Variants in CRIM1 observed in about 807,000 individuals in gnomAD.
CRIM1 encodes the protein cysteine-rich motor neuron 1 protein.
A neutral mutation model predicts 116.4 loss-of-function variants in CRIM1; 32 were observed. That is an observed-to-expected ratio of 0.27 (90% CI 0.21 to 0.37). The LOEUF is 0.37. CRIM1 is among the 10% of genes least tolerant of loss of function. The pLI, the probability that CRIM1 is intolerant of heterozygous loss-of-function variation, is 1.00. For missense variants in CRIM1, 1,331 were observed against 1,354.8 expected, an observed-to-expected ratio of 0.98 and a Z score of 0.28; for synonymous variants, 590 against 509.2, an observed-to-expected ratio of 1.16 and a Z score of -2.13.
chr2:36,373,292 G>A (rs1670065111), intron 1 of CRIM1, among the ~76,000 whole-genome samples: 3 of 152,150 alleles, frequency 2.0e-5, no homozygotes, highest in Non-Finnish European at 4.4e-5. Flanking sequence ...CTTGAAGGAG[G>A]GAGTGCCCAT....
At chr2:36,523,372 C>T (rs536639959) in intron 13 of CRIM1, among the ~76,000 whole-genome samples, 1 of 152,306 alleles carries the variant, frequency 6.6e-6, no homozygotes, top group Admixed American at 6.5e-5. Context: ...GAGCCCTCAC[C>T]TTCTTGTGAC....
At chr2:36,397,533 A>G (rs1314598092) in intron 2 of CRIM1, among the ~76,000 whole-genome samples, 3 of 152,072 alleles carry the variant, frequency 2.0e-5, no homozygotes, top group Admixed American at 6.6e-5. Context: ...TCGTAGCCCC[A>G]GTTTCTTCTT....
chr2:36,548,775 G>T lies in CRIM1; in HGVS notation c.*74G>T. ...TGCTCTAAAAAGTAAACTAGAATTTGTGCACTTGCTTAGTGGATTGTATTG... is the reference window on the plus strand; with the variant it reads ...TGCTCTAAAAAGTAAACTAGAATTTTTGCACTTGCTTAGTGGATTGTATTG... On this transcript the variant is annotated 3_prime_UTR_variant, in exon 17 of 17. Coordinates refer to ENST00000280527, the MANE Select transcript of CRIM1 (RefSeq NM_016441.3). 1.6e-6 allele frequency: 2 copies of T among 1,284,426 alleles called. No homozygotes were observed. The highest frequency in any genetic ancestry group is 2.2e-6 in the Non-Finnish European group (2 of 926,526). The allele number at this position is 1,284,426 out of a possible 1,614,324, so 79.6% of individuals were successfully genotyped here. A position where few individuals can be genotyped will look rare whatever the true frequency, so the allele number is the denominator to read the frequency against.
At chr2:36,369,626 A>G (rs1444295344) in intron 1 of CRIM1, among the ~76,000 whole-genome samples, 2 of 152,214 alleles carry the variant, frequency 1.3e-5, no homozygotes, top group Non-Finnish European at 2.9e-5. Context: ...GAAATGTTAT[A>G]TGTAATATAG....
At chr2:36,399,589 A>C (rs1672271360) in intron 2 of CRIM1, among the ~76,000 whole-genome samples, 1 of 152,216 alleles carries the variant, frequency 6.6e-6, no homozygotes, top group Non-Finnish European at 1.5e-5. Flanking sequence ...CTCGTGATAA[A>C]ATGGTACTGA....
At chr2:36,439,498 G>A (rs576070540) in intron 2 of CRIM1, among the ~76,000 whole-genome samples, 7 of 152,026 alleles carry the variant, frequency 4.6e-5, no homozygotes, top group South Asian at 2.1e-4. Context: ...GTTCTAAATC[G>A]CCAGGTACCC....
At chr2:36,465,180 G>A (rs1372383847) in intron 5 of CRIM1, among the ~76,000 whole-genome samples, 2 of 152,292 alleles carry the variant, frequency 1.3e-5, no homozygotes, top group East Asian at 1.9e-4. Context: ...CACTGATAGC[G>A]GCCTGCTGTA....
At chr2:36,543,866 C>A in intron 14 of CRIM1, among the ~76,000 whole-genome samples, 2 of 150,358 alleles carry the variant, frequency 1.3e-5, no homozygotes, top group East Asian at 3.9e-4. Flanking sequence ...GACTTATACT[C>A]ATGAGGTCTA....
intron 2 of CRIM1, among the ~76,000 whole-genome samples, chr2:36,407,995 G>T (rs181996692): frequency 6.6e-6 from 1 of 152,206 alleles, no homozygotes; most frequent in East Asian, 1.9e-4. Context: ...GATGTGCCTA[G>T]TTCAAGCACT....
chr2:36,411,065 A>G (rs1270375344), intron 2 of CRIM1, among the ~76,000 whole-genome samples: 1 of 152,180 alleles, frequency 6.6e-6, no homozygotes, highest in African/African-American at 2.4e-5. Flanking sequence ...TGCATATAAC[A>G]TCTAAAGTGA....
At chr2:36,378,518 G>A (rs1375872867) in intron 1 of CRIM1, 6 of 386,450 alleles carry the variant, frequency 1.6e-5, no homozygotes, top group African/African-American at 2.2e-5. Context: ...CAGCTCTAAC[G>A]TAAGGCGGTA....
chr2:36,547,063 AGTTGTG>A lies in CRIM1; in HGVS notation c.2830_2835del (p.Val944_Val945del). The A allele has an allele frequency of 1.9e-6, 3 of 1,612,162 alleles. No homozygotes were observed. The highest frequency in any genetic ancestry group is 2.5e-6 in the Non-Finnish European group (3 of 1,178,342). On this transcript the variant is annotated inframe_deletion, in exon 16 of 17. Coordinates refer to ENST00000280527, the MANE Select transcript of CRIM1 (RefSeq NM_016441.3). The stretch of plus-strand genomic sequence containing the variant: ...ATTCTTCACTGGACTCCATTGCCTC[AGTTGTG>A]GTTCCCATAATTATATGCCTCTCTA...
chr2:36,422,207 C>T (rs1157438567), intron 2 of CRIM1, among the ~76,000 whole-genome samples: 1 of 150,208 alleles, frequency 6.7e-6, no homozygotes, highest in African/African-American at 2.5e-5. Context: ...GGGGATTTGT[C>T]TCTATTTTGC....
chr2:36,420,215 T>C (rs1352770337), intron 2 of CRIM1, among the ~76,000 whole-genome samples: 2 of 152,182 alleles, frequency 1.3e-5, no homozygotes, highest in Admixed American at 1.3e-4. Context: ...TAAAAACAAA[T>C]CTCCTATTTT....
rs189176812 is a variant in CRIM1, at chr2:36,475,654, T to C, written c.992-1235T>C. Reference sequence around the variant, plus strand: ...GTGAGAACACACCTCATTGTCTTGTTCCTGATCTTAGGGGGAAAGCACTTG... The same window carrying C: ...GTGAGAACACACCTCATTGTCTTGTCCCTGATCTTAGGGGGAAAGCACTTG... On this transcript the variant is annotated intron_variant, in intron 5 of 16. Transcript: ENST00000280527. 2.9e-4 allele frequency among the ~76,000 whole-genome samples: 44 copies of C among 152,366 alleles called. 1 individual carries two copies. The highest frequency in any genetic ancestry group is 7.8e-4 in the Admixed American group (12 of 15,304).
chr2:36,511,712 T>A (rs1472332632), intron 9 of CRIM1, among the ~76,000 whole-genome samples: 1 of 152,148 alleles, frequency 6.6e-6, no homozygotes, highest in Non-Finnish European at 1.5e-5. Context: ...ACACATGTGT[T>A]AAGGACACAC....
At chr2:36,362,422 G>A (rs1274859981) in intron 1 of CRIM1, among the ~76,000 whole-genome samples, 1 of 152,192 alleles carries the variant, frequency 6.6e-6, no homozygotes. Flanking sequence ...ATTGGTCTCA[G>A]TGTTTCTCAA....
At chr2:36,454,024 T>C (rs711253) in intron 4 of CRIM1, among the ~76,000 whole-genome samples, 38,966 of 152,140 alleles carry the variant, frequency 0.26, 5,204 homozygotes, top group Admixed American at 0.31. Context: ...AACCACTCCA[T>C]TGCAAGACTG....
At chr2:36,371,498 T>C (rs1463774593) in intron 1 of CRIM1, among the ~76,000 whole-genome samples, 2 of 152,152 alleles carry the variant, frequency 1.3e-5, no homozygotes, top group Admixed American at 6.5e-5. Context: ...AACCATTTGG[T>C]CTGCATTGTG....
Sources: gnomAD v4.1 joint callset for allele counts (sites outside exome capture counted in the v4.1 genomes callset) on GRCh38, gnomAD v4.1.1 for gene constraint, MANE v1.5 for transcripts, NCBI Gene and HGNC (gene_info 2026-07-23, HGNC 2026-07-21) for gene names.